Variants in MYO10 observed in about 807,000 individuals in gnomAD.
MYO10 encodes unconventional myosin-X.
MYO10 carries 133 observed loss-of-function variants against 257.3 expected under a neutral mutation model. The ratio of observed to expected loss-of-function variants is 0.52; its 90% confidence interval spans 0.45 to 0.60. The LOEUF is 0.60. Among genes scored for constraint, MYO10 ranks in the 20% least tolerant of loss-of-function variants. The pLI, the probability that MYO10 is intolerant of heterozygous loss-of-function variation, is 0.00. For missense variants in MYO10, 2,399 were observed against 2,635.7 expected (o/e 0.91, Z 1.97); for synonymous variants, 1,104 against 1,028.6 (o/e 1.07, Z -1.40).
intron 19 of MYO10, among the ~76,000 whole-genome samples, chr5:16,720,314 A>C (rs1739101189): frequency 6.6e-6 from 1 of 152,178 alleles, no homozygotes. Flanking sequence ...TTATTAAAAG[A>C]ATTTTTTGAA....
chr5:16,877,131 GTGACATCGA>G (rs564508549), intron 2 of MYO10, among the ~76,000 whole-genome samples: 162 of 149,532 alleles, frequency 1.1e-3, no homozygotes, highest in Middle Eastern at 0.01. Context: ...CTCCAGAACT[GTGACATCGA>G]TATTTGCTCT....
chr5:16,704,901 A>G (rs1738259959), intron 21 of MYO10, among the ~76,000 whole-genome samples: 1 of 152,206 alleles, frequency 6.6e-6, no homozygotes, highest in Admixed American at 6.5e-5. Context: ...AAGGAAAAAC[A>G]AAAATGCTGC....
chr5:16,898,256 A>AG (rs1237099243), intron 1 of MYO10, among the ~76,000 whole-genome samples: 1 of 32,266 alleles, frequency 3.1e-5, no homozygotes, highest in Non-Finnish European at 5.3e-5. Context: ...TAATCACATT[A>AG]AAAAAAACTA....
Position 16,663,780 on chromosome 5 carries a change from CT to C in MYO10, c.*2911del, listed in dbSNP as rs766914107. 2.6e-5 allele frequency: 4 copies of C among 151,534 alleles called. No individual in the cohort carries two copies. The highest frequency in any genetic ancestry group is 4.4e-5 in the Non-Finnish European group (3 of 67,976). 9.4% of individuals were successfully genotyped at this position (151,534 alleles called of 1,614,324 possible). Reference sequence around the variant, plus strand: ...GCAGCATTTATGTTGTGCTAGGTATCTGTAACCTGGAGATGATTTAAAGGGT... The same window carrying C: ...GCAGCATTTATGTTGTGCTAGGTATCGTAACCTGGAGATGATTTAAAGGGT... On this transcript the variant is annotated 3_prime_UTR_variant, in exon 41 of 41. Transcript: ENST00000513610.
rs532084061 is a variant in MYO10, at chr5:16,775,881, T to A, written c.930+3664A>T. 2.0e-5 allele frequency among the ~76,000 whole-genome samples: 3 copies of A among 151,254 alleles called. No homozygotes were observed. The South Asian group carries it at 6.3e-4, about 32-fold the overall frequency. On this transcript the variant is annotated intron_variant, in intron 9 of 40. Transcript: ENST00000513610. Reference sequence around the variant, plus strand: ...TCCCAAAGTGCTGGAATTATAGGCATGACCCAATTCTTTTTCTAATTTTTT... The same window carrying A: ...TCCCAAAGTGCTGGAATTATAGGCAAGACCCAATTCTTTTTCTAATTTTTT...
chr5:16,867,594 T>G (rs539130811), intron 2 of MYO10, among the ~76,000 whole-genome samples: 2 of 152,148 alleles, frequency 1.3e-5, no homozygotes, highest in Non-Finnish European at 2.9e-5. Context: ...TTCACAAAAT[T>G]GGGCCGATGG....
In MYO10 at chr5:16,672,572, T is replaced by C. The variant is rs1026766421; in HGVS notation, c.5309+117A>G. ...TAAACAGGCATCAACACAGGTAAAA[T>C]AAAACTAACTCCAATACAGCGTGAA... is the stretch of plus-strand genomic sequence containing the variant. On this transcript the variant is annotated intron_variant, in intron 37 of 40. Transcript: ENST00000513610. 3.2e-6 allele frequency: 4 copies of C among 1,254,004 alleles called. No homozygotes were observed. In the African/African-American group the frequency reaches 4.5e-5, roughly 14 times the overall value. The allele number at this position is 1,254,004 out of a possible 1,614,324, so 77.7% of individuals were successfully genotyped here.
intron 21 of MYO10, among the ~76,000 whole-genome samples, chr5:16,709,651 C>A (rs565455949): frequency 1.3e-5 from 2 of 152,076 alleles, no homozygotes; most frequent in African/African-American, 4.8e-5. Context: ...AAGAACAAAG[C>A]CCCAAGATAC....
rs570416187 is a variant in MYO10, at chr5:16,694,598, A to C, written c.3573T>G (p.Ser1191=). The part of the protein sequence containing the change: ...FLYMKGGLMN[S]WKRRWCVLKD... ...TGAGGACGCACCAGCGGCGTTTCCAAGAGTTCATCAGGCCACCTGTTCCCC... is the reference window on the plus strand; with the variant it reads ...TGAGGACGCACCAGCGGCGTTTCCACGAGTTCATCAGGCCACCTGTTCCCC... Residue 1191 remains serine, a synonymous_variant, in exon 27 of 41, where the codon TCT becomes TCG. Transcript: ENST00000513610. 1 of 1,613,866 alleles carries C rather than the reference A, an allele frequency of 6.2e-7. No homozygotes were observed. Among genetic ancestry groups the C allele is most frequent in the African/African-American group, 1.3e-5 (1 of 75,064 alleles).
chr5:16,800,360 C>T (rs1742086270), intron 3 of MYO10, among the ~76,000 whole-genome samples: 1 of 152,080 alleles, frequency 6.6e-6, no homozygotes, highest in Non-Finnish European at 1.5e-5. Flanking sequence ...GAGTTCAAGA[C>T]CAGCCTGGGC....
rs147266347 is a variant in MYO10, at chr5:16,742,171, G to A, written c.1929+12657C>T. 680 of 985,302 alleles carry A rather than the reference G, an allele frequency of 6.9e-4. 3 individuals are homozygous for A. The African/African-American group carries it at 0.011, about 16-fold the overall frequency. 61.0% of individuals were successfully genotyped at this position (985,302 alleles called of 1,614,324 possible). A position where few individuals can be genotyped will look rare whatever the true frequency, so the allele number is the denominator to read the frequency against. On this transcript the variant is annotated intron_variant, in intron 19 of 40. Transcript: ENST00000513610. ...AAAAAAAGTCCCAGGACAAAATCAA[G>A]CAGTTTAGTTGTGATCTTGGAAAAT...
At position 16,668,357 on chromosome 5, in the gene MYO10, T is replaced by G; in HGVS notation, c.5995A>C (p.Ile1999Leu). 1.2e-6 allele frequency: 2 copies of G among 1,613,940 alleles called. No homozygotes were observed. Among genetic ancestry groups the G allele is most frequent in the Non-Finnish European group, 1.7e-6 (2 of 1,179,864 alleles). Residue 1999 changes from isoleucine (I) to leucine (L), a missense_variant, in exon 40 of 41, where the codon ATC (isoleucine) becomes CTC (leucine). Ile to Leu is a conservative substitution (Grantham distance 5). Coordinates refer to ENST00000513610, the MANE Select transcript of MYO10 (RefSeq NM_012334.3). ...RPLEVFQYEH[I>L]LSFGAPLANT... ...GCCAGGGGTGCCCCAAAAGAGAGGATGTGTTCATACTGGAAGACTTCCAGT... is the reference window on the plus strand; with the variant it reads ...GCCAGGGGTGCCCCAAAAGAGAGGAGGTGTTCATACTGGAAGACTTCCAGT...
chr5:16,754,954 C>T, intron 18 of MYO10, 46 bp from the exon 19 acceptor site: 1 of 1,302,692 alleles, frequency 7.7e-7, no homozygotes, highest in Non-Finnish European at 1.1e-6. Flanking sequence ...TTATGTCATT[C>T]TTTAAATTTC....
intron 19 of MYO10, among the ~76,000 whole-genome samples, chr5:16,753,725 C>T (rs1740450106): frequency 6.6e-6 from 1 of 151,996 alleles, no homozygotes; most frequent in Non-Finnish European, 1.5e-5. Flanking sequence ...CCCACCTCGA[C>T]CTCCCAAAGT....
intron 37 of MYO10, among the ~76,000 whole-genome samples, chr5:16,672,014 G>A (rs1397175040): frequency 6.6e-6 from 1 of 152,196 alleles, no homozygotes; most frequent in African/African-American, 2.4e-5. Context: ...AGGTCTACAG[G>A]CCAGGTGCAG....
chr5:16,818,396 G>GTATATATATA (rs1329747245), intron 2 of MYO10, among the ~76,000 whole-genome samples: 18 of 111,944 alleles, frequency 1.6e-4, no homozygotes, highest in South Asian at 3.3e-4. Flanking sequence ...GTGTGTGTGT[G>GTATATATATA]TGTGTGTGTG....
chr5:16,703,008 T>A lies in MYO10; in HGVS notation c.2427A>T (p.Arg809Ser). ...GCTCCCTTTTCTCTGCCAGCAATTG[T>A]CTGTAAACTCTCCGAGCAATCTGAC... ...LRGQIARRVYRQLLAEKREQE... is the reference protein window; with the variant it reads ...LRGQIARRVYSQLLAEKREQE... The change falls in exon 23 of 41, where the codon AGA becomes AGT. Residue 809 changes from arginine (R) to serine (S), a missense_variant. Transcript: ENST00000513610. The A allele has an allele frequency of 6.4e-7, 1 of 1,552,460 alleles. No homozygotes were observed. Among genetic ancestry groups the A allele is most frequent in the Non-Finnish European group, 8.7e-7 (1 of 1,147,182 alleles).
intron 1 of MYO10, among the ~76,000 whole-genome samples, chr5:16,894,491 G>A (rs1277342237): frequency 6.6e-6 from 1 of 152,136 alleles, no homozygotes; most frequent in Non-Finnish European, 1.5e-5. Context: ...TTTCCTCATC[G>A]AATGTAGAGG....
In MYO10 at chr5:16,877,495, G is replaced by A. The variant is rs562698662; in HGVS notation, c.120+114C>T. ...CACTGGGATTTTGAATTATCACTTA[G>A]GAAAAAAATGTAAAGCGTGTGTATG... is the stretch of plus-strand genomic sequence containing the variant. On this transcript the variant is annotated intron_variant, in intron 2 of 40. Transcript: ENST00000513610. 1.1e-5 allele frequency: 8 copies of A among 737,678 alleles called. No individual in the cohort carries two copies. The African/African-American group carries it at 1.2e-4, about 11-fold the overall frequency. 45.7% of individuals were successfully genotyped at this position (737,678 alleles called of 1,614,324 possible).
Sources: gnomAD v4.1 joint callset for allele counts (sites outside exome capture counted in the v4.1 genomes callset) on GRCh38, gnomAD v4.1.1 for gene constraint, MANE v1.5 for transcripts, NCBI Gene and HGNC (gene_info 2026-07-23, HGNC 2026-07-21) for gene names.